MAP3K20: variants seen among roughly 807,000 people sequenced by gnomAD.
The protein encoded by MAP3K20 is HCCS-4.
Under a neutral mutation model 85.7 loss-of-function variants are expected in MAP3K20, and 40 were observed. That is an observed-to-expected ratio of 0.47 (90% CI 0.36 to 0.61). The LOEUF (loss-of-function observed/expected upper bound fraction) is 0.61, where lower values mean the gene tolerates loss of function less well. MAP3K20 is among the 20% of genes least tolerant of loss of function. The pLI is 0.00. For missense variants in MAP3K20, 817 were observed against 961.7 expected (o/e 0.85, Z 1.99); for synonymous variants, 325 against 327.7 (o/e 0.99, Z 0.09).
rs1031519844 is a variant in MAP3K20, at chr2:173,204,450, A to T, written c.744+580A>T. Among the ~76,000 whole-genome samples the T allele has an allele frequency of 4.5e-4, 68 of 152,202 alleles. 1 individual carries two copies. The highest frequency in any genetic ancestry group is 1.6e-3 in the African/African-American group (65 of 41,452). On this transcript the variant is annotated intron_variant, in intron 9 of 19. Coordinates refer to ENST00000375213, the MANE Select transcript of MAP3K20 (RefSeq NM_016653.3). ...GAGCAGACAAAAGTAGCGCTTCTAG[A>T]GCATCTTGATATGTACTGCCTGTCC...
intron 2 of MAP3K20, among the ~76,000 whole-genome samples, chr2:173,121,138 C>G (rs1258715169): frequency 6.6e-6 from 1 of 152,150 alleles, no homozygotes; most frequent in Non-Finnish European, 1.5e-5. Flanking sequence ...GGTGTTGTCT[C>G]TCATTTGATG....
chr2:173,187,274 T>G (rs1001599575), intron 4 of MAP3K20, among the ~76,000 whole-genome samples: 1 of 152,212 alleles, frequency 6.6e-6, no homozygotes, highest in African/African-American at 2.4e-5. Flanking sequence ...ACTGTGCTAT[T>G]TTCATGCAGA....
chr2:173,130,001 T>C (rs1399429039), intron 2 of MAP3K20, among the ~76,000 whole-genome samples: 1 of 152,158 alleles, frequency 6.6e-6, no homozygotes, highest in Non-Finnish European at 1.5e-5. Context: ...TTAAGGAACC[T>C]CTAAAATTGA....
intron 2 of MAP3K20, among the ~76,000 whole-genome samples, chr2:173,134,413 TATA>T (rs1688726926): frequency 1.6e-4 from 2 of 12,854 alleles, no homozygotes; most frequent in African/African-American, 5.4e-4. Context: ...TATATATATA[TATA>T]TATATATATA....
rs74528546 is a variant in MAP3K20 at position 173,261,418 on chromosome 2, G to A, written c.1551+281G>A. Among the ~76,000 whole-genome samples the A allele has an allele frequency of 1.6e-3, 247 of 152,296 alleles. 1 individual carries two copies. Among genetic ancestry groups the A allele is most frequent in the African/African-American group, 5.8e-3 (240 of 41,552 alleles). Reference sequence around the variant, plus strand: ...ACACCTTCTGTATACCATGTAAGATGTTTGGTATTGGGGATACTAATAGTT... The same window carrying A: ...ACACCTTCTGTATACCATGTAAGATATTTGGTATTGGGGATACTAATAGTT... On this transcript the variant is annotated intron_variant, in intron 18 of 19. Coordinates refer to ENST00000375213, the MANE Select transcript of MAP3K20 (RefSeq NM_016653.3).
intron 3 of MAP3K20, among the ~76,000 whole-genome samples, chr2:173,174,542 T>C (rs1690099033): frequency 2.0e-5 from 3 of 152,034 alleles, no homozygotes; most frequent in Non-Finnish European, 4.4e-5. Context: ...GAACTCATCC[T>C]TTTTTATGGC....
Position 173,076,014 on chromosome 2 carries a change from G to C in MAP3K20, c.-35+12G>C, listed in dbSNP as rs1686841790. On this transcript the variant is annotated intron_variant, in intron 1 of 19. Coordinates refer to ENST00000375213, the MANE Select transcript of MAP3K20 (RefSeq NM_016653.3). The stretch of plus-strand genomic sequence containing the variant: ...CGCCCGGGAGCCAGGTAGGGGTCAG[G>C]CTGGAGCCCGCGGAGGGCGGGGAGG... The C allele has an allele frequency of 1.0e-6, 1 of 984,380 alleles. No homozygotes were observed. Among genetic ancestry groups the C allele is most frequent in the Non-Finnish European group, 1.2e-6 (1 of 829,494 alleles). 61.0% of individuals were successfully genotyped at this position (984,380 alleles called of 1,614,324 possible). A position where few individuals can be genotyped will look rare whatever the true frequency, so the allele number is the denominator to read the frequency against.
intron 7 of MAP3K20, 147 bp downstream of exon 7, chr2:173,191,324 T>C: frequency 8.8e-7 from 1 of 1,130,688 alleles, no homozygotes; most frequent in Non-Finnish European, 1.2e-6. Flanking sequence ...TGGAGAACGC[T>C]TCCTAGTTGC....
At chr2:173,247,825 G>A (rs965860927) in intron 16 of MAP3K20, among the ~76,000 whole-genome samples, 1 of 152,180 alleles carries the variant, frequency 6.6e-6, no homozygotes. Flanking sequence ...CTGTTCTTGA[G>A]TTCTCATGCA....
intron 14 of MAP3K20, among the ~76,000 whole-genome samples, chr2:173,234,351 C>T (rs1324395044): frequency 6.6e-6 from 1 of 152,114 alleles, no homozygotes; most frequent in Admixed American, 6.6e-5. Flanking sequence ...ATTTATTGTT[C>T]AAAAAATTCA....
intron 11 of MAP3K20, chr2:173,225,913 A>AG: frequency 6.1e-6 from 6 of 985,014 alleles, no homozygotes; most frequent in Non-Finnish European, 7.2e-6. Context: ...ACAATTAAAA[A>AG]AAAAAAAGAA....
chr2:173,205,850 G>A (rs4972532), intron 9 of MAP3K20, among the ~76,000 whole-genome samples: 117,126 of 152,076 alleles, frequency 0.77, 45,420 homozygotes, highest in East Asian at 0.88. Flanking sequence ...GGTCTGCCCT[G>A]CTCCTTTTTA....
Position 173,091,006 on chromosome 2 carries a change from G to A in MAP3K20, c.-26G>A, listed in dbSNP as rs769195230. The A allele has an allele frequency of 1.3e-6, 2 of 1,567,120 alleles. No homozygotes were observed. The highest frequency in any genetic ancestry group is 2.0e-5 in the Admixed American group (1 of 50,166). ...TTTCTTTCTTTCTGCAGATTTTGTG[G>A]AAGTATAATACTTTGTCATTATGAG... is the stretch of plus-strand genomic sequence containing the variant. On this transcript the variant is annotated 5_prime_UTR_variant, in exon 2 of 20. Coordinates refer to ENST00000375213, the MANE Select transcript of MAP3K20 (RefSeq NM_016653.3).
At chr2:173,194,638 T>G (rs184093773) in intron 7 of MAP3K20, among the ~76,000 whole-genome samples, 1 of 152,200 alleles carries the variant, frequency 6.6e-6, no homozygotes. Flanking sequence ...TAGCCAAGAC[T>G]CCTTTGTCAG....
chr2:173,252,902 G>A (rs1028627960), intron 16 of MAP3K20, among the ~76,000 whole-genome samples: 1 of 152,200 alleles, frequency 6.6e-6, no homozygotes, highest in Non-Finnish European at 1.5e-5. Flanking sequence ...GTGGAAGCAG[G>A]GAAGGTCAGA....
At chr2:173,221,358 G>A (rs1158689962) in intron 11 of MAP3K20, 1 of 1,613,980 alleles carries the variant, frequency 6.2e-7, no homozygotes, top group Non-Finnish European at 8.5e-7. Flanking sequence ...ATGCATTCTG[G>A]GATGCAGATA....
intron 11 of MAP3K20, among the ~76,000 whole-genome samples, chr2:173,228,903 T>G (rs1267267662): frequency 6.6e-6 from 1 of 152,244 alleles, no homozygotes; most frequent in Non-Finnish European, 1.5e-5. Context: ...AATTCATTTT[T>G]GGGGGGCAAG....
chr2:173,195,619 T>C (rs917332985), intron 7 of MAP3K20, among the ~76,000 whole-genome samples: 1 of 152,196 alleles, frequency 6.6e-6, no homozygotes, highest in African/African-American at 2.4e-5. Flanking sequence ...TACTTTTGTA[T>C]GCCAAATGTT....
chr2:173,266,214 A>G lies in MAP3K20; in HGVS notation c.1867A>G (p.Lys623Glu), dbSNP rs753737919. 2.5e-6 allele frequency: 4 copies of G among 1,614,086 alleles called. No homozygotes were observed. Among genetic ancestry groups the G allele is most frequent in the Non-Finnish European group, 3.4e-6 (4 of 1,180,004 alleles). The stretch of plus-strand genomic sequence containing the variant: ...TGTGAGACGGCCCCAGGTGCCCATT[A>G]AGTATCAACAGATTACACCTGTGAA... Reference protein sequence around the residue: ...AAVRRPQVPIKYQQITPVNQS... With the variant: ...AAVRRPQVPIEYQQITPVNQS... Residue 623 changes from lysine to glutamate, a missense_variant, in exon 20 of 20, where the codon AAG becomes GAG. Transcript: ENST00000375213.
Sources: allele counts gnomAD v4.1 joint callset (sites outside exome capture counted in the v4.1 genomes callset), GRCh38; gene constraint gnomAD v4.1.1; transcripts MANE v1.5; gene names NCBI Gene and HGNC (gene_info 2026-07-23, HGNC 2026-07-21).